KIF24: variants seen among roughly 807,000 people sequenced by gnomAD.
KIF24 encodes kinesin family member 24, also known as kinesin-like protein KIF24.
A neutral mutation model predicts 118.9 loss-of-function variants in KIF24; 81 were observed. That is an observed-to-expected ratio of 0.68 (90% CI 0.57 to 0.82). KIF24 has a LOEUF of 0.82. KIF24 is among the 40% of genes least tolerant of loss of function. KIF24 has a pLI of 0.00. For missense variants in KIF24, 1,560 were observed against 1,661.6 expected, an observed-to-expected ratio of 0.94 and a Z score of 1.06; for synonymous variants, 599 against 610.0, an observed-to-expected ratio of 0.98 and a Z score of 0.27.
intron 6 of KIF24, among the ~76,000 whole-genome samples, chr9:34,281,859 G>A (rs1204313017): frequency 1.3e-5 from 2 of 152,160 alleles, no homozygotes; most frequent in African/African-American, 2.4e-5. Flanking sequence ...AGCCAGGCTT[G>A]TTGGATGTAC....
At chr9:34,255,683 T>A in intron 11 of KIF24, 52 bp downstream of exon 11, 1 of 1,456,676 alleles carries the variant, frequency 6.9e-7, no homozygotes, top group Non-Finnish European at 9.3e-7. Flanking sequence ...TAAGCTGGAG[T>A]GGAGGGTGGG....
At chr9:34,291,577 G>A (rs1228556439) in intron 4 of KIF24, among the ~76,000 whole-genome samples, 2 of 152,204 alleles carry the variant, frequency 1.3e-5, no homozygotes, top group Non-Finnish European at 2.9e-5. Flanking sequence ...CCCTTTATGA[G>A]TGTGAAGAAC....
At chr9:34,319,369 T>G (rs1837439476) in intron 1 of KIF24, 2 of 873,998 alleles carry the variant, frequency 2.3e-6, no homozygotes, top group Non-Finnish European at 3.9e-6. Flanking sequence ...CTGGCTAGGC[T>G]TGGCCTGACT....
intron 6 of KIF24, among the ~76,000 whole-genome samples, chr9:34,278,452 T>C (rs746775939): frequency 2.7e-4 from 41 of 152,072 alleles, no homozygotes; most frequent in Admixed American, 9.2e-4. Context: ...ACTAACATCT[T>C]TGTGTAAACT....
intron 4 of KIF24, among the ~76,000 whole-genome samples, chr9:34,293,590 T>C (rs200610541): frequency 2.0e-5 from 3 of 151,362 alleles, no homozygotes; most frequent in South Asian, 2.1e-4. Context: ...CTGGCTAACA[T>C]GGTGAAACCC....
chr9:34,290,583 C>T (rs1037592122), intron 4 of KIF24, among the ~76,000 whole-genome samples, 194 bp from the exon 5 acceptor site: 2 of 151,008 alleles, frequency 1.3e-5, no homozygotes, highest in African/African-American at 2.4e-5. Context: ...TCTCAAACTA[C>T]TACACAAGTT....
chr9:34,284,475 T>C (rs958811735), intron 6 of KIF24, among the ~76,000 whole-genome samples: 2 of 152,148 alleles, frequency 1.3e-5, no homozygotes, highest in Non-Finnish European at 2.9e-5. Context: ...AATTGTGGTA[T>C]ATTCCTATGA....
chr9:34,255,618 A>T, intron 11 of KIF24, 117 bp downstream of exon 11: 1 of 873,688 alleles, frequency 1.1e-6, no homozygotes, highest in African/African-American at 1.7e-5. Context: ...AGCTAGAAGC[A>T]GACTAGCTCA....
At chr9:34,277,615 G>T (rs1486677872) in intron 6 of KIF24, among the ~76,000 whole-genome samples, 1 of 152,120 alleles carries the variant, frequency 6.6e-6, no homozygotes, top group African/African-American at 2.4e-5. Context: ...TAATGTACTG[G>T]GTATCTCTAA....
rs372284560 is a variant in KIF24, at chr9:34,280,770, T to C, written c.1215+5847A>G. Among the ~76,000 whole-genome samples the C allele has an allele frequency of 2.7e-4, 41 of 152,244 alleles. No homozygotes were observed. In the South Asian group the frequency reaches 6.7e-3, roughly 25 times the overall value. ...GGAATCTAATAACGCAAACGTGAAG[T>C]GTCATCCCTTAAGCAAAATTTAACT... On this transcript the variant is annotated intron_variant, in intron 6 of 12. Coordinates refer to ENST00000402558, the MANE Select transcript of KIF24 (RefSeq NM_194313.4).
At chr9:34,325,861 T>C (rs1035576426) in intron 1 of KIF24, among the ~76,000 whole-genome samples, 2 of 152,140 alleles carry the variant, frequency 1.3e-5, no homozygotes, top group African/African-American at 4.8e-5. Flanking sequence ...CTCAGGAAAA[T>C]TGTGACAGAG....
intron 6 of KIF24, among the ~76,000 whole-genome samples, chr9:34,283,943 A>G (rs1208797941): frequency 6.6e-6 from 1 of 152,176 alleles, no homozygotes; most frequent in Non-Finnish European, 1.5e-5. Context: ...TGCTTGTAGG[A>G]ATGCACACCA....
rs201276014 is a variant in KIF24, at chr9:34,299,777, T to TTA, written c.814-2665_814-2664dup. Among the ~76,000 whole-genome samples, 839 of 150,580 alleles carry TTA rather than the reference T, an allele frequency of 5.6e-3. 12 individuals are homozygous for TTA. Among genetic ancestry groups the TTA allele is most frequent in the Middle Eastern group, 0.048 (14 of 292 alleles). Reference sequence around the variant, plus strand: ...CTAACATGCAATAATATATATTCTTTTATATATATATAGCTGGGCTACCAA... The same window carrying TTA: ...CTAACATGCAATAATATATATTCTTTTATATATATATATAGCTGGGCTACCAA... On this transcript the variant is annotated intron_variant, in intron 3 of 12. Coordinates refer to ENST00000402558, the MANE Select transcript of KIF24 (RefSeq NM_194313.4).
chr9:34,281,984 G>T (rs1835866054), intron 6 of KIF24, among the ~76,000 whole-genome samples: 1 of 152,112 alleles, frequency 6.6e-6, no homozygotes. Flanking sequence ...TTGGAAAACA[G>T]TGTGGCATTT....
At chr9:34,277,262 A>C (rs2131719897) in intron 6 of KIF24, among the ~76,000 whole-genome samples, 1 of 152,300 alleles carries the variant, frequency 6.6e-6, no homozygotes, top group Non-Finnish European at 1.5e-5. Context: ...GGGAGGTCTT[A>C]AACCTTTACA....
chr9:34,256,761 CTATA>C lies in KIF24; in HGVS notation c.2842_2845del (p.Tyr948AspfsTer60). ...GGAAGAGCCTCCACCTCTTTCCTGTCTATATATGAAATCTACCTGTGAACAGTAT... is the reference window on the plus strand; with the variant it reads ...GGAAGAGCCTCCACCTCTTTCCTGTCTATGAAATCTACCTGTGAACAGTAT... On this transcript the variant is annotated frameshift_variant, in exon 11 of 13. Transcript: ENST00000402558. LOFTEE classifies it high-confidence loss of function. The C allele has an allele frequency of 6.2e-7, 1 of 1,613,990 alleles. No individual in the cohort carries two copies. The highest frequency in any genetic ancestry group is 8.5e-7 in the Non-Finnish European group (1 of 1,179,886).
intron 3 of KIF24, among the ~76,000 whole-genome samples, chr9:34,305,573 T>C (rs1364423792): frequency 6.6e-6 from 1 of 152,238 alleles, no homozygotes; most frequent in Non-Finnish European, 1.5e-5. Flanking sequence ...ACTGGTCCTG[T>C]TGACAACTAC....
upstream of KIF24, among the ~76,000 whole-genome samples, chr9:34,332,742 A>G (rs7039222): frequency 0.19 from 28,872 of 152,168 alleles, 3,047 homozygotes; most frequent in East Asian, 0.45. Flanking sequence ...CTCTGCAAGA[A>G]TGGAGTGGCA....
At chr9:34,327,618 T>C (rs532999747) in intron 1 of KIF24, among the ~76,000 whole-genome samples, 2 of 152,166 alleles carry the variant, frequency 1.3e-5, no homozygotes, top group South Asian at 4.1e-4. Flanking sequence ...AAAAAAAGTC[T>C]GTATGGTCTT....
Sources: allele counts gnomAD v4.1 joint callset (sites outside exome capture counted in the v4.1 genomes callset), GRCh38; gene constraint gnomAD v4.1.1; transcripts MANE v1.5; gene names NCBI Gene and HGNC (gene_info 2026-07-23, HGNC 2026-07-21).